KMT2C: variants seen among roughly 807,000 people sequenced by gnomAD.
KMT2C encodes histone-lysine N-methyltransferase 2C.
A neutral mutation model predicts 507.9 loss-of-function variants in KMT2C; 88 were observed. The observed-to-expected ratio is 0.17, with a 90% CI of 0.15 to 0.21. KMT2C has a LOEUF of 0.21. Among genes scored for constraint, KMT2C ranks in the 10% least tolerant of loss-of-function variants. The pLI is 1.00. For missense variants in KMT2C, 4,954 were observed against 5,957.8 expected (o/e 0.83, Z 5.55); for synonymous variants, 2,049 against 2,080.8 (o/e 0.98, Z 0.42).
chr7:152,147,341 C>T (rs1207370391), intron 52 of KMT2C, among the ~76,000 whole-genome samples: 1 of 151,994 alleles, frequency 6.6e-6, no homozygotes, highest in Admixed American at 6.5e-5. Flanking sequence ...ACAATGTATA[C>T]AGTATGATTT....
At chr7:152,149,222 C>T in intron 51 of KMT2C, 70 bp from the exon 52 acceptor site, 3 of 1,409,022 alleles carry the variant, frequency 2.1e-6, no homozygotes, top group East Asian at 2.4e-5. Context: ...CTTGTTAAGA[C>T]AAGAAGCTGA....
intron 6 of KMT2C, among the ~76,000 whole-genome samples, chr7:152,309,507 CTTTTTTTTTTTT>C (rs60166582): frequency 2.3e-5 from 2 of 87,970 alleles, no homozygotes; most frequent in South Asian, 4.7e-4. Context: ...CATAAAATAA[CTTTTTTTTTTTT>C]TTTTTTTTTT....
chr7:152,362,250 AAGCATTGCAGT>A (rs1430641579), intron 1 of KMT2C, among the ~76,000 whole-genome samples: 1 of 152,228 alleles, frequency 6.6e-6, no homozygotes, highest in African/African-American at 2.4e-5. Context: ...TCTGGGAGAA[AAGCATTGCAGT>A]AGAAGTAACA....
chr7:152,283,414 T>G (rs34622509), intron 6 of KMT2C, among the ~76,000 whole-genome samples: 3,064 of 152,202 alleles, frequency 0.02, 71 homozygotes, highest in South Asian at 0.09. Context: ...TGGATACACT[T>G]AAATCATGTC....
intron 52 of KMT2C, 123 bp from the exon 53 acceptor site, chr7:152,146,858 A>C: frequency 1.2e-6 from 1 of 854,676 alleles, no homozygotes; most frequent in Non-Finnish European, 1.8e-6. Context: ...GTTGGGCAAT[A>C]ATCTAATAAA....
At chr7:152,309,506 A>AT in intron 6 of KMT2C, among the ~76,000 whole-genome samples, 1 of 128,530 alleles carries the variant, frequency 7.8e-6, no homozygotes, top group African/African-American at 3.2e-5. Flanking sequence ...GCATAAAATA[A>AT]CTTTTTTTTT....
At chr7:152,324,764 A>C (rs191723353) in intron 3 of KMT2C, among the ~76,000 whole-genome samples, 1 of 152,048 alleles carries the variant, frequency 6.6e-6, no homozygotes, top group African/African-American at 2.4e-5. Flanking sequence ...AAGAAAACTG[A>C]AAGATGCCTC....
chr7:152,150,228 A>C (rs950243379), intron 51 of KMT2C, among the ~76,000 whole-genome samples: 1 of 152,256 alleles, frequency 6.6e-6, no homozygotes, highest in African/African-American at 2.4e-5. Context: ...TACTGTGAGC[A>C]AAGTGTTTTC....
At chr7:152,334,081 TC>T (rs201019038) in intron 2 of KMT2C, among the ~76,000 whole-genome samples, 1 of 147,452 alleles carries the variant, frequency 6.8e-6, no homozygotes, top group Non-Finnish European at 1.5e-5. Flanking sequence ...ACAATTTGAA[TC>T]CCCCCCCAAA....
chr7:152,184,356 CA>C (rs919672840), intron 34 of KMT2C, among the ~76,000 whole-genome samples: 2 of 151,714 alleles, frequency 1.3e-5, no homozygotes, highest in Non-Finnish European at 2.9e-5. Flanking sequence ...ATATATTTTC[CA>C]ACAATAATAC....
intron 9 of KMT2C, among the ~76,000 whole-genome samples, chr7:152,260,709 T>C (rs1170835521): frequency 3.3e-5 from 5 of 152,246 alleles, no homozygotes; most frequent in African/African-American, 1.2e-4. Context: ...AAGGGAACAG[T>C]CTCTTTCAGA....
At chr7:152,158,659 G>A (rs555171325) in intron 44 of KMT2C, among the ~76,000 whole-genome samples, 1 of 152,066 alleles carries the variant, frequency 6.6e-6, no homozygotes, top group Non-Finnish European at 1.5e-5. Context: ...GGAATTACAG[G>A]CGTGTACCAC....
In KMT2C at chr7:152,199,069, G is replaced by C. The variant is rs76078649; in HGVS notation, c.4273+210C>G. On this transcript the variant is annotated intron_variant, in intron 27 of 58. Transcript: ENST00000262189. Reference sequence around the variant, plus strand: ...GTTTTCCTTCACAACTCTTGATGTTGGTACTAGTTACACAGGTAAATTAAT... The same window carrying C: ...GTTTTCCTTCACAACTCTTGATGTTCGTACTAGTTACACAGGTAAATTAAT... Among the ~76,000 whole-genome samples, 1,156 of 152,226 alleles carry C rather than the reference G, an allele frequency of 7.6e-3. 13 individuals carry two copies. The highest frequency in any genetic ancestry group is 0.027 in the African/African-American group (1,114 of 41,550).
chr7:152,426,956 C>G (rs1386576781), intron 1 of KMT2C, among the ~76,000 whole-genome samples: 1 of 151,978 alleles, frequency 6.6e-6, no homozygotes, highest in African/African-American at 2.4e-5. Flanking sequence ...AAGCTTTTTT[C>G]TTTTTTTAAA....
At chr7:152,370,281 A>G (rs963744081) in intron 1 of KMT2C, among the ~76,000 whole-genome samples, 92 of 152,330 alleles carry the variant, frequency 6.0e-4, no homozygotes, top group African/African-American at 2.1e-3. Flanking sequence ...GGACCAATTC[A>G]TAGGAAATGA....
intron 46 of KMT2C, among the ~76,000 whole-genome samples, chr7:152,155,301 T>C (rs2091964484): frequency 1.3e-5 from 2 of 152,316 alleles, no homozygotes; most frequent in South Asian, 2.1e-4. Flanking sequence ...TCTCATCAAA[T>C]AGAGGGTAGT....
rs1054034986 is a variant in KMT2C, at chr7:152,330,755, CAA to C, written c.251-18_251-17del. 1 of 1,610,826 alleles carries C rather than the reference CAA, an allele frequency of 6.2e-7. No homozygotes were observed. The highest frequency in any genetic ancestry group is 1.3e-5 in the African/African-American group (1 of 74,824). ...TCTTTGATTTCTGCTTAACAGTAAA[CAA>C]GAGAAAACAAAGAGTCATTTTTGTG... On this transcript the variant is annotated splice_polypyrimidine_tract_variant and intron_variant, in intron 2 of 58. Transcript: ENST00000262189.
intron 3 of KMT2C, among the ~76,000 whole-genome samples, chr7:152,319,236 T>C (rs1266322890): frequency 6.6e-6 from 1 of 152,136 alleles, no homozygotes; most frequent in East Asian, 1.9e-4. Flanking sequence ...AAAATAAGAA[T>C]AGTTATATAG....
chr7:152,419,968 A>T (rs1317296972), intron 1 of KMT2C, among the ~76,000 whole-genome samples: 2 of 152,194 alleles, frequency 1.3e-5, no homozygotes, highest in Non-Finnish European at 2.9e-5. Flanking sequence ...TTCTTTCTTC[A>T]GTTCCTCTGA....
Sources: allele counts gnomAD v4.1 joint callset (sites outside exome capture counted in the v4.1 genomes callset), GRCh38; gene constraint gnomAD v4.1.1; transcripts MANE v1.5; gene names NCBI Gene and HGNC (gene_info 2026-07-23, HGNC 2026-07-21).